KCND2: variants seen among roughly 807,000 people sequenced by gnomAD.
KCND2 encodes A-type voltage-gated potassium channel KCND2.
In KCND2, 16 loss-of-function variants were observed where a neutral mutation model predicts 54.4. That is an observed-to-expected ratio of 0.29 (90% CI 0.20 to 0.45). The LOEUF (loss-of-function observed/expected upper bound fraction) is 0.45. KCND2 is among the 20% of genes least tolerant of loss of function. The pLI is 1.00. For missense variants in KCND2, 486 were observed against 824.2 expected (o/e 0.59, Z 5.02); for synonymous variants, 317 against 310.7 (o/e 1.02, Z -0.21).
At chr7:120,574,284 C>T (rs944394328) in intron 1 of KCND2, among the ~76,000 whole-genome samples, 6 of 152,150 alleles carry the variant, frequency 3.9e-5, no homozygotes, top group African/African-American at 1.4e-4. Flanking sequence ...TTGAACTCAA[C>T]CACTGTAAAG....
chr7:120,457,926 C>T (rs1363456044), intron 1 of KCND2, among the ~76,000 whole-genome samples: 2 of 152,016 alleles, frequency 1.3e-5, no homozygotes, highest in South Asian at 4.2e-4. Flanking sequence ...CTCAGAGTTT[C>T]GAAGGGTTGT....
intron 1 of KCND2, among the ~76,000 whole-genome samples, chr7:120,465,566 CAAG>C (rs1375204123): frequency 6.6e-6 from 1 of 151,950 alleles, no homozygotes; most frequent in African/African-American, 2.4e-5. Flanking sequence ...GTGGCAAACG[CAAG>C]AAGAGTTTCA....
intron 1 of KCND2, among the ~76,000 whole-genome samples, chr7:120,390,500 G>C (rs139993686): frequency 1.3e-5 from 2 of 151,824 alleles, no homozygotes; most frequent in Non-Finnish European, 2.9e-5. Flanking sequence ...AGTAAACCAA[G>C]TCTTAGACAG....
At chr7:120,634,605 CT>C (rs1231793009) in intron 1 of KCND2, among the ~76,000 whole-genome samples, 1 of 152,172 alleles carries the variant, frequency 6.6e-6, no homozygotes, top group Non-Finnish European at 1.5e-5. Flanking sequence ...CTACTATCAC[CT>C]TCATTTCTCA....
chr7:120,485,336 TGCCCAGAG>T (rs1802678124), intron 1 of KCND2, among the ~76,000 whole-genome samples: 1 of 152,236 alleles, frequency 6.6e-6, no homozygotes, highest in Non-Finnish European at 1.5e-5. Context: ...AATCTTAAAA[TGCCCAGAG>T]TTAATTATCC....
chr7:120,401,104 C>G (rs572481994), intron 1 of KCND2, among the ~76,000 whole-genome samples: 1 of 152,224 alleles, frequency 6.6e-6, no homozygotes, highest in East Asian at 1.9e-4. Flanking sequence ...ACAGGACAGC[C>G]TATGGATCCA....
At chr7:120,501,156 A>G (rs955025949) in intron 1 of KCND2, among the ~76,000 whole-genome samples, 5 of 152,124 alleles carry the variant, frequency 3.3e-5, no homozygotes, top group Admixed American at 6.6e-5. Flanking sequence ...ATGCTTTGAC[A>G]TACATCATCT....
At chr7:120,560,279 T>C (rs999945678) in intron 1 of KCND2, among the ~76,000 whole-genome samples, 1 of 152,190 alleles carries the variant, frequency 6.6e-6, no homozygotes, top group African/African-American at 2.4e-5. Context: ...TGTATATTAA[T>C]CAGCAGAAGA....
At chr7:120,504,606 A>C (rs575553984) in intron 1 of KCND2, among the ~76,000 whole-genome samples, 2 of 151,858 alleles carry the variant, frequency 1.3e-5, no homozygotes, top group African/African-American at 4.8e-5. Flanking sequence ...ATTTACTGAA[A>C]GTTTCTAGGC....
intron 1 of KCND2, among the ~76,000 whole-genome samples, chr7:120,628,853 T>C (rs139366662): frequency 6.6e-6 from 1 of 152,226 alleles, no homozygotes; most frequent in East Asian, 1.9e-4. Flanking sequence ...TCTGAATTAA[T>C]TCAATAAATT....
chr7:120,695,652 T>C (rs1484485461), intron 1 of KCND2, among the ~76,000 whole-genome samples: 1 of 152,170 alleles, frequency 6.6e-6, no homozygotes, highest in East Asian at 1.9e-4. Flanking sequence ...AATAAATACA[T>C]TTGTTGATTA....
chr7:120,290,057 T>C (rs1799411362), intron 1 of KCND2, among the ~76,000 whole-genome samples: 1 of 152,248 alleles, frequency 6.6e-6, no homozygotes, highest in East Asian at 1.9e-4. Flanking sequence ...TCAATATGCG[T>C]GCTGACAAAG....
chr7:120,663,476 AT>A (rs1005452482), intron 1 of KCND2, among the ~76,000 whole-genome samples: 2 of 152,134 alleles, frequency 1.3e-5, no homozygotes, highest in African/African-American at 4.8e-5. Flanking sequence ...AAAAACTTCA[AT>A]TTTTTAACTT....
intron 1 of KCND2, among the ~76,000 whole-genome samples, chr7:120,403,482 ATTTTTTT>A (rs528759246): frequency 7.6e-6 from 1 of 130,926 alleles, no homozygotes; most frequent in Non-Finnish European, 1.6e-5. Flanking sequence ...GGCCCGGCTA[ATTTTTTT>A]TTTTTTTTTT....
intron 1 of KCND2, among the ~76,000 whole-genome samples, chr7:120,424,746 T>C (rs60435148): frequency 6.6e-6 from 1 of 152,106 alleles, no homozygotes; most frequent in African/African-American, 2.4e-5. Flanking sequence ...CTAGAAAAAA[T>C]AATATGAAGC....
intron 1 of KCND2, among the ~76,000 whole-genome samples, chr7:120,667,720 A>G (rs1210344603): frequency 6.6e-6 from 1 of 152,084 alleles, no homozygotes; most frequent in Non-Finnish European, 1.5e-5. Flanking sequence ...ATAGTAATCT[A>G]ATTTCTGTCC....
chr7:120,589,474 A>G (rs775153740), intron 1 of KCND2, among the ~76,000 whole-genome samples: 3 of 152,162 alleles, frequency 2.0e-5, no homozygotes, highest in Non-Finnish European at 4.4e-5. Context: ...ATTTATTATA[A>G]GTGTAAGACT....
At chr7:120,438,101 G>A (rs1349701930) in intron 1 of KCND2, among the ~76,000 whole-genome samples, 1 of 152,200 alleles carries the variant, frequency 6.6e-6, no homozygotes, top group Non-Finnish European at 1.5e-5. Flanking sequence ...TGAAACTGAA[G>A]AGACTTTAGA....
At chr7:120,667,931 A>G (rs1282129013) in intron 1 of KCND2, among the ~76,000 whole-genome samples, 1 of 152,028 alleles carries the variant, frequency 6.6e-6, no homozygotes, top group African/African-American at 2.4e-5. Flanking sequence ...AAGTAAACTC[A>G]TTGTATTCTG....
Sources: gnomAD v4.1 joint callset for allele counts (sites outside exome capture counted in the v4.1 genomes callset) on GRCh38, gnomAD v4.1.1 for gene constraint, MANE v1.5 for transcripts, NCBI Gene and HGNC (gene_info 2026-07-23, HGNC 2026-07-21) for gene names.